PHYHIPL: variants seen among roughly 807,000 people sequenced by gnomAD.
PHYHIPL encodes phytanoyl-CoA 2-hydroxylase interacting protein like, also known as phytanoyl-CoA hydroxylase-interacting protein-like.
In PHYHIPL, 9 loss-of-function variants were observed where a neutral mutation model predicts 33.4. That is an observed-to-expected ratio of 0.27 (90% CI 0.16 to 0.47). PHYHIPL has a LOEUF of 0.47. PHYHIPL is among the 20% of genes least tolerant of loss of function. PHYHIPL has a pLI of 0.99. For missense variants in PHYHIPL, 365 were observed against 460.7 expected (o/e 0.79, Z 1.90); for synonymous variants, 153 against 154.1 (o/e 0.99, Z 0.05).
At chr10:59,182,107 G>A (rs573123673) in intron 1 of PHYHIPL, among the ~76,000 whole-genome samples, 14 of 152,238 alleles carry the variant, frequency 9.2e-5, no homozygotes, top group African/African-American at 3.4e-4. Context: ...GATAATAACA[G>A]CAGCTATGTC....
upstream of PHYHIPL, among the ~76,000 whole-genome samples, chr10:59,173,622 C>T (rs1320839463): frequency 6.6e-6 from 1 of 152,154 alleles, no homozygotes; most frequent in East Asian, 1.9e-4. Flanking sequence ...CCTGTCTGAG[C>T]ATGCACTTCT....
At chr10:59,184,348 TAGG>T (rs1838504721) in intron 1 of PHYHIPL, among the ~76,000 whole-genome samples, 1 of 152,212 alleles carries the variant, frequency 6.6e-6, no homozygotes. Flanking sequence ...TAGACCTTTA[TAGG>T]AAAAGTTTGC....
At chr10:59,173,962 G>T (rs7068644), upstream of PHYHIPL, among the ~76,000 whole-genome samples, 78,600 of 85,408 alleles carry the variant, frequency 0.92, 36,094 homozygotes, top group Middle Eastern at 0.95. Context: ...TTTTTTTTTG[G>T]GGAGGAGGGG....
At chr10:59,221,805 G>A (rs781491096) in intron 1 of PHYHIPL, 1 of 555,450 alleles carries the variant, frequency 1.8e-6, no homozygotes, top group Non-Finnish European at 2.3e-6. Flanking sequence ...TCAGATATTA[G>A]TGTCTTGGGC....
Position 59,245,453 on chromosome 10 carries a change from A to C in PHYHIPL, c.993A>C (p.Glu331Asp). 1 of 1,614,174 alleles carries C rather than the reference A, an allele frequency of 6.2e-7. No homozygotes were observed. The change falls in exon 5 of 5, where the codon GAA (glutamate) becomes GAC (aspartate). Residue 331 changes from glutamate to aspartate, a missense_variant. This residue lies in a region of PHYHIPL where 196 missense variants were observed against 224.9 expected (regional missense o/e 0.87). Coordinates refer to ENST00000373880, the MANE Select transcript of PHYHIPL (RefSeq NM_032439.4). ...ACCATGCCCAGGATGTCATTTTAGA[A>C]GTCATTTACACTGACCCTGTGGATC... The part of the protein sequence containing the change: ...VYHHAQDVIL[E>D]VIYTDPVDLS...
chr10:59,234,929 T>C (rs912670219), intron 2 of PHYHIPL, among the ~76,000 whole-genome samples: 4 of 151,850 alleles, frequency 2.6e-5, no homozygotes, highest in Non-Finnish European at 2.9e-5. Flanking sequence ...ACATAATTTA[T>C]TTGTATGTAT....
At position 59,238,633 on chromosome 10, in the gene PHYHIPL, T is replaced by G. The variant is rs1199814647; in HGVS notation, c.524T>G (p.Val175Gly). 6.2e-7 allele frequency: 1 copy of G among 1,611,124 alleles called. No individual in the cohort carries two copies. Among genetic ancestry groups the G allele is most frequent in the Non-Finnish European group, 8.5e-7 (1 of 1,177,846 alleles). The change falls in exon 4 of 5, where the codon GTG (valine) becomes GGG (glycine). Residue 175 changes from valine to glycine, a missense_variant. Physicochemically the swap from Val to Gly is moderately radical, Grantham distance 109 (BLOSUM62 -3). Coordinates refer to ENST00000373880, the MANE Select transcript of PHYHIPL (RefSeq NM_032439.4). ...HLTQLLEKAE[V>G]IAGRMLKFSV... ...ACACAATTGTTGGAGAAGGCTGAAG[T>G]GATTGCAGGACGCATGCTTAAGTTT...
upstream of PHYHIPL, among the ~76,000 whole-genome samples, chr10:59,175,334 G>A (rs1169324367): frequency 2.0e-5 from 3 of 152,014 alleles, no homozygotes; most frequent in African/African-American, 7.2e-5. Flanking sequence ...TTTTTCACAG[G>A]CTTATTTTAC....
chr10:59,186,855 G>A, intron 1 of PHYHIPL, among the ~76,000 whole-genome samples: 1 of 152,186 alleles, frequency 6.6e-6, no homozygotes, highest in Non-Finnish European at 1.5e-5. Context: ...AGCTTAAGGA[G>A]ATTTTGGGCT....
At chr10:59,187,665 G>C (rs1838651465) in intron 1 of PHYHIPL, among the ~76,000 whole-genome samples, 1 of 152,108 alleles carries the variant, frequency 6.6e-6, no homozygotes, top group African/African-American at 2.4e-5. Flanking sequence ...TCTATTCAGA[G>C]ATTCAACTTC....
At chr10:59,196,914 A>C (rs1167725766) in intron 1 of PHYHIPL, among the ~76,000 whole-genome samples, 1 of 152,236 alleles carries the variant, frequency 6.6e-6, no homozygotes, top group East Asian at 1.9e-4. Context: ...GATTTCTTAA[A>C]TGCGTATTTT....
chr10:59,226,807 G>C (rs1048344101), intron 1 of PHYHIPL, among the ~76,000 whole-genome samples: 2 of 151,962 alleles, frequency 1.3e-5, no homozygotes, highest in African/African-American at 4.8e-5. Flanking sequence ...TAAAAGATGG[G>C]ATTTATAACT....
chr10:59,228,336 G>A (rs1031161686), intron 1 of PHYHIPL, among the ~76,000 whole-genome samples: 1 of 152,034 alleles, frequency 6.6e-6, no homozygotes, highest in African/African-American at 2.4e-5. Flanking sequence ...AGTGATATTT[G>A]TTTTTTCCTA....
chr10:59,176,422 G>T (rs1330498811), upstream of PHYHIPL, among the ~76,000 whole-genome samples: 1 of 151,998 alleles, frequency 6.6e-6, no homozygotes, highest in Non-Finnish European at 1.5e-5. Context: ...GTCGCCCGAC[G>T]CCTCACGCGC....
At chr10:59,208,177 G>A (rs1004675739) in intron 1 of PHYHIPL, among the ~76,000 whole-genome samples, 3 of 152,084 alleles carry the variant, frequency 2.0e-5, no homozygotes, top group Non-Finnish European at 4.4e-5. Context: ...GGAGAGCTCC[G>A]GCTGGCATCT....
chr10:59,186,147 G>A (rs1000860209), intron 1 of PHYHIPL, among the ~76,000 whole-genome samples: 1 of 152,088 alleles, frequency 6.6e-6, no homozygotes, highest in African/African-American at 2.4e-5. Flanking sequence ...TTTGTATAAG[G>A]TGTAAGGAAG....
In PHYHIPL at chr10:59,233,473, G is replaced by A. The variant is rs918615453; in HGVS notation, c.107-831G>A. 2.6e-5 allele frequency among the ~76,000 whole-genome samples: 4 copies of A among 151,470 alleles called. No homozygotes were observed. In the South Asian group the frequency reaches 6.3e-4, roughly 24 times the overall value. ...AGGCATTGAACATTATGTTGGCCTGGGGAAAGGGAATGTAGAAAAAAATGG... is the reference window on the plus strand; with the variant it reads ...AGGCATTGAACATTATGTTGGCCTGAGGAAAGGGAATGTAGAAAAAAATGG... On this transcript the variant is annotated intron_variant, in intron 1 of 4. Transcript: ENST00000373880.
rs1840676966 is a variant in PHYHIPL at position 59,246,094 on chromosome 10, A to G, written c.*503A>G. Reference sequence around the variant, plus strand: ...CAGTGTTATTTATGTTATTTATATTAGCTAACAGGAAACAACTACTGTGTT... The same window carrying G: ...CAGTGTTATTTATGTTATTTATATTGGCTAACAGGAAACAACTACTGTGTT... On this transcript the variant is annotated 3_prime_UTR_variant, in exon 5 of 5. Transcript: ENST00000373880. 1 of 153,004 alleles carries G rather than the reference A, an allele frequency of 6.5e-6. No individual in the cohort carries two copies. The allele number at this position is 153,004 out of a possible 1,614,324, so 9.5% of individuals were successfully genotyped here.
chr10:59,233,031 CA>C (rs1167487032), intron 1 of PHYHIPL, among the ~76,000 whole-genome samples: 3 of 151,676 alleles, frequency 2.0e-5, no homozygotes, highest in African/African-American at 7.3e-5. Flanking sequence ...GTAGTTTTTC[CA>C]GGAGTTTTGT....
Sources: allele counts gnomAD v4.1 joint callset (sites outside exome capture counted in the v4.1 genomes callset), GRCh38; gene constraint gnomAD v4.1.1; regional missense constraint gnomAD v4.1.1; transcripts MANE v1.5; gene names NCBI Gene and HGNC (gene_info 2026-07-23, HGNC 2026-07-21).